Variants in IDE observed in about 807,000 individuals in gnomAD.
The protein encoded by IDE is insulin degrading enzyme.
A neutral mutation model predicts 133.2 loss-of-function variants in IDE; 58 were observed. That is an observed-to-expected ratio of 0.44 (90% CI 0.35 to 0.54). The LOEUF is 0.54. Among genes scored for constraint, IDE ranks in the 20% least tolerant of loss-of-function variants. IDE has a pLI of 0.00. For missense variants in IDE, 981 were observed against 1,234.0 expected (o/e 0.79, Z 3.07); for synonymous variants, 396 against 421.3 (o/e 0.94, Z 0.73).
In IDE at chr10:92,480,844, T is replaced by C. The variant is rs551076722; in HGVS notation, c.1740-1423A>G. ...CCTAGGCTCAAGCGATCTTCCTGCC[T>C]CGGCTTCCCAAAATGTTAGGATTAC... is the stretch of plus-strand genomic sequence containing the variant. On this transcript the variant is annotated intron_variant, in intron 14 of 24. Transcript: ENST00000265986. 9.0e-6 allele frequency: 5 copies of C among 558,058 alleles called. No individual in the cohort carries two copies. The South Asian group carries it at 4.0e-4, about 44-fold the overall frequency. 34.6% of individuals were successfully genotyped at this position (558,058 alleles called of 1,614,324 possible).
intron 21 of IDE, among the ~76,000 whole-genome samples, chr10:92,461,509 ACACGT>A (rs1202990198): frequency 6.6e-6 from 1 of 151,326 alleles, no homozygotes; most frequent in East Asian, 2.0e-4. Flanking sequence ...GCACAAGCCA[ACACGT>A]CTGGGTAATT....
intron 12 of IDE, among the ~76,000 whole-genome samples, chr10:92,489,301 C>T (rs1334681792): frequency 6.6e-6 from 1 of 152,138 alleles, no homozygotes; most frequent in Non-Finnish European, 1.5e-5. Flanking sequence ...GCTGTAATCC[C>T]AGCACTTTGG....
At chr10:92,480,171 G>A (rs551101065) in intron 14 of IDE, among the ~76,000 whole-genome samples, 11 of 152,224 alleles carry the variant, frequency 7.2e-5, no homozygotes, top group African/African-American at 1.9e-4. Context: ...CCCTGAGTTC[G>A]TGGCAGCAGA....
chr10:92,508,678 G>A, intron 7 of IDE, 50 bp downstream of exon 7: 3 of 1,537,112 alleles, frequency 2.0e-6, no homozygotes, highest in Admixed American at 1.7e-5. Flanking sequence ...ATGAGAGCCA[G>A]AGTGAAAAGA....
intron 4 of IDE, among the ~76,000 whole-genome samples, chr10:92,518,294 G>C (rs1221000970): frequency 2.0e-5 from 3 of 152,084 alleles, no homozygotes. Context: ...GATATCTTCT[G>C]ACTGCATGGC....
At chr10:92,507,427 C>T (rs1373164210) in intron 9 of IDE, 148 bp downstream of exon 9, 1 of 617,816 alleles carries the variant, frequency 1.6e-6, no homozygotes, top group African/African-American at 1.8e-5. Flanking sequence ...TAAGCCTTAA[C>T]TAATACTATT....
intron 11 of IDE, among the ~76,000 whole-genome samples, chr10:92,494,099 C>T (rs1564621659): frequency 2.0e-5 from 3 of 151,940 alleles, no homozygotes; most frequent in Non-Finnish European, 2.9e-5. Context: ...TTCCTTTTTT[C>T]GAGACAGGGT....
chr10:92,456,950 G>A (rs73323657), intron 22 of IDE, among the ~76,000 whole-genome samples: 163 of 149,530 alleles, frequency 1.1e-3, no homozygotes, highest in African/African-American at 3.3e-3. Flanking sequence ...GAAAGATTTA[G>A]CAAGGCACGC....
chr10:92,482,824 G>A lies in IDE; in HGVS notation c.1739+431C>T, dbSNP rs575833529. On this transcript the variant is annotated intron_variant, in intron 14 of 24. Transcript: ENST00000265986. Reference sequence around the variant, plus strand: ...CTTTTTTTTCTTTTCTTTTTTTTTTGAGACAGAGTCTGGCTCTGTCGCCCA... The same window carrying A: ...CTTTTTTTTCTTTTCTTTTTTTTTTAAGACAGAGTCTGGCTCTGTCGCCCA... Among the ~76,000 whole-genome samples, 446 of 127,622 alleles carry A rather than the reference G, an allele frequency of 3.5e-3. 3 individuals carry two copies. The highest frequency in any genetic ancestry group is 5.4e-3 in the Non-Finnish European group (327 of 60,190). The allele number at this position is 127,622 out of a possible 152,430, so 83.7% of individuals were successfully genotyped here.
intron 11 of IDE, among the ~76,000 whole-genome samples, chr10:92,494,130 T>C (rs1361883357): frequency 1.3e-5 from 2 of 152,116 alleles, no homozygotes; most frequent in Non-Finnish European, 2.9e-5. Context: ...GGTGTGATCA[T>C]ACCTTACTGC....
intron 4 of IDE, among the ~76,000 whole-genome samples, chr10:92,524,460 AT>A (rs1344576080): frequency 1.5e-5 from 1 of 65,942 alleles, no homozygotes; most frequent in Non-Finnish European, 2.6e-5. Context: ...TATATTATAT[AT>A]TTTATATAAT....
At chr10:92,571,057 T>C (rs1237275977) in intron 1 of IDE, among the ~76,000 whole-genome samples, 1 of 150,822 alleles carries the variant, frequency 6.6e-6, no homozygotes, top group Non-Finnish European at 1.5e-5. Context: ...CTCAGCTCAC[T>C]GCACCTCCGC....
chr10:92,468,328 A>T (rs949522753), intron 19 of IDE, among the ~76,000 whole-genome samples: 6 of 152,208 alleles, frequency 3.9e-5, no homozygotes, highest in African/African-American at 1.4e-4. Context: ...GTTTTGAGCA[A>T]TATTGACAAT....
intron 13 of IDE, 107 bp downstream of exon 13, chr10:92,487,089 G>T: frequency 1.9e-6 from 2 of 1,046,800 alleles, no homozygotes; most frequent in Non-Finnish European, 2.7e-6. Context: ...ATTAGGATGT[G>T]AGCCTCCCCA....
intron 11 of IDE, among the ~76,000 whole-genome samples, chr10:92,501,757 C>T (rs1339000869): frequency 2.6e-5 from 4 of 151,580 alleles, no homozygotes; most frequent in African/African-American, 4.8e-5. Context: ...GGCGGATCAC[C>T]TGAGGTCAGG....
In IDE at chr10:92,537,435, C is replaced by A; in HGVS notation, c.214G>T (p.Gly72Cys). 6.2e-7 allele frequency: 1 copy of A among 1,613,972 alleles called. No individual in the cohort carries two copies. Among genetic ancestry groups the A allele is most frequent in the Non-Finnish European group, 8.5e-7 (1 of 1,179,936 alleles). ...TCACTGATAAGAAGTACTTTGATACCATTGGCCAGCTCTAGCCCTCGATAT... is the reference window on the plus strand; with the variant it reads ...TCACTGATAAGAAGTACTTTGATACAATTGGCCAGCTCTAGCCCTCGATAT... ...REYRGLELAN[G>C]IKVLLISDPT... The change falls in exon 2 of 25, where the codon GGT becomes TGT. Residue 72 changes from glycine (G) to cysteine (C), a missense_variant. By Grantham distance (159) the Gly-to-Cys change is radical (BLOSUM62 -3). Coordinates refer to ENST00000265986, the MANE Select transcript of IDE (RefSeq NM_004969.4).
At chr10:92,547,926 G>A (rs1184676913) in intron 1 of IDE, among the ~76,000 whole-genome samples, 2 of 152,020 alleles carry the variant, frequency 1.3e-5, no homozygotes, top group Non-Finnish European at 2.9e-5. Context: ...CATCTAGCTT[G>A]TTTTTTTAAA....
At chr10:92,537,138 T>C (rs1842054610) in intron 2 of IDE, among the ~76,000 whole-genome samples, 1 of 152,052 alleles carries the variant, frequency 6.6e-6, no homozygotes, top group South Asian at 2.1e-4. Context: ...GAATTTTTGC[T>C]GCTAGGTCAC....
intron 18 of IDE, among the ~76,000 whole-genome samples, chr10:92,469,963 C>CTA (rs2135370560): frequency 6.6e-6 from 1 of 152,228 alleles, no homozygotes; most frequent in African/African-American, 2.4e-5. Flanking sequence ...CTCTTATCTA[C>CTA]TATACAATTA....
Sources: allele counts gnomAD v4.1 joint callset (sites outside exome capture counted in the v4.1 genomes callset), GRCh38; gene constraint gnomAD v4.1.1; transcripts MANE v1.5; gene names NCBI Gene and HGNC (gene_info 2026-07-23, HGNC 2026-07-21).